The following ADAM33 variants were observed in gnomAD, a reference collection of about 807,000 sequenced individuals.
ADAM33 encodes the protein disintegrin and metalloproteinase domain-containing protein 33.
A neutral mutation model predicts 106.2 loss-of-function variants in ADAM33; 103 were observed. The observed-to-expected ratio is 0.97, with a 90% CI of 0.83 to 1.14. The LOEUF (loss-of-function observed/expected upper bound fraction) is 1.14, where lower values mean the gene tolerates loss of function less well. ADAM33 is among the 50% of genes most tolerant of loss of function. The pLI, the probability that ADAM33 is intolerant of heterozygous loss-of-function variation, is 0.00. For missense variants in ADAM33, 1,120 were observed against 1,096.6 expected (o/e 1.02, Z -0.30); for synonymous variants, 483 against 453.0 (o/e 1.07, Z -0.84).
chr20:3,679,343 C>T, intron 2 of ADAM33, 149 bp downstream of exon 2: 1 of 744,038 alleles, frequency 1.3e-6, no homozygotes, highest in Non-Finnish European at 2.2e-6. Context: ...CTTCTGCCCA[C>T]TTGAGGGGCA....
chr20:3,672,715 CT>C lies in ADAM33; in HGVS notation c.1311+5del. 5.7e-6 allele frequency: 9 copies of C among 1,584,452 alleles called. No individual in the cohort carries two copies. The highest frequency in any genetic ancestry group is 7.7e-6 in the Non-Finnish European group (9 of 1,163,972). On this transcript the variant is annotated splice_donor_5th_base_variant and intron_variant, in intron 12 of 21. Transcript: ENST00000356518. Reference sequence around the variant, plus strand: ...GGCAAGTGGGGGCCGGGCGAGCCGACTTAACCTGGCCAGGGCCGCAGTCACA... The same window carrying C: ...GGCAAGTGGGGGCCGGGCGAGCCGACTAACCTGGCCAGGGCCGCAGTCACA...
At chr20:3,678,889 A>T (rs898769569) in intron 2 of ADAM33, among the ~76,000 whole-genome samples, 5 of 152,182 alleles carry the variant, frequency 3.3e-5, no homozygotes, top group African/African-American at 1.2e-4. Flanking sequence ...TTATTCTGGA[A>T]GCGTGTGAAG....
In ADAM33 at chr20:3,670,029, G is replaced by C. The variant is rs2087427615; in HGVS notation, c.2241-392C>G. 7.5e-6 allele frequency: 3 copies of C among 398,522 alleles called. No individual in the cohort carries two copies. In the Admixed American group the frequency reaches 1.1e-4, roughly 15 times the overall value. 24.7% of individuals were successfully genotyped at this position (398,522 alleles called of 1,614,324 possible). A position where few individuals can be genotyped will look rare whatever the true frequency, so the allele number is the denominator to read the frequency against. ...CCCTTGATGATTCCAAGCCATCTTTGACTGTCCCCATCCCATCCCCCAAGG... is the reference window on the plus strand; with the variant it reads ...CCCTTGATGATTCCAAGCCATCTTTCACTGTCCCCATCCCATCCCCCAAGG... On this transcript the variant is annotated intron_variant, in intron 19 of 21. Coordinates refer to ENST00000356518, the MANE Select transcript of ADAM33 (RefSeq NM_025220.5).
rs775499555 is a variant in ADAM33 at position 3,674,569 on chromosome 20, A to G, written c.535T>C (p.Cys179Arg). 6.2e-7 allele frequency: 1 copy of G among 1,613,602 alleles called. No homozygotes were observed. Among genetic ancestry groups the G allele is most frequent in the Admixed American group, 1.7e-5 (1 of 59,930 alleles). Residue 179 changes from cysteine (C) to arginine (R), a missense_variant, in exon 6 of 22, where the codon TGT (cysteine) becomes CGT (arginine). Coordinates refer to ENST00000356518, the MANE Select transcript of ADAM33 (RefSeq NM_025220.5). The stretch of plus-strand genomic sequence containing the variant: ...TTGTTCCCAGGATCCCTGTGGCCAC[A>G]GGTTCCTTTCCAGGTGAGCAGCTGC... ...MEQLLTWKGT[C>R]GHRDPGNKAG...
Position 3,673,482 on chromosome 20 carries a change from G to A in ADAM33, c.1005C>T (p.Leu335=). The A allele has an allele frequency of 2.6e-6, 4 of 1,533,734 alleles. No homozygotes were observed. The highest frequency in any genetic ancestry group is 3.5e-6 in the Non-Finnish European group (4 of 1,146,946). ...SGGVSTDHSE[L]PIGAAATMAH... ...CCATGGTGGCTGCGGCGCCGATGGG[G>A]AGCTCCGAGTGGTCCTGGGGGGCCG... The change falls in exon 11 of 22, where the codon CTC becomes CTT. Residue 335 remains leucine (L), a synonymous_variant. Transcript: ENST00000356518.
chr20:3,675,140 G>A lies in ADAM33; in HGVS notation c.255-35C>T, dbSNP rs2087858386. On this transcript the variant is annotated intron_variant, in intron 3 of 21. Transcript: ENST00000356518. This position sits in a 1 kb window ranked among gnomAD's most constrained non-coding sequence, Gnocchi z 4.1. The stretch of plus-strand genomic sequence containing the variant: ...GGTGTTACAGGGAACACTGAATTCA[G>A]CTTCCTCCTGCCTCCTCCAGGATGT... 1 of 1,526,098 alleles carries A rather than the reference G, an allele frequency of 6.6e-7. No individual in the cohort carries two copies. Among genetic ancestry groups the A allele is most frequent in the Non-Finnish European group, 9.0e-7 (1 of 1,106,554 alleles). 94.5% of individuals were successfully genotyped at this position (1,526,098 alleles called of 1,614,324 possible).
In ADAM33 at chr20:3,675,924, A is replaced by C. The variant is rs373395381; in HGVS notation, c.255-819T>G. Among the ~76,000 whole-genome samples the C allele has an allele frequency of 8.1e-4, 92 of 113,250 alleles. No homozygotes were observed. The East Asian group carries it at 0.011, about 13-fold the overall frequency. The allele number at this position is 113,250 out of a possible 152,430, so 74.3% of individuals were successfully genotyped here. On this transcript the variant is annotated intron_variant, in intron 3 of 21. Coordinates refer to ENST00000356518, the MANE Select transcript of ADAM33 (RefSeq NM_025220.5). The surrounding 1 kb of genome is among the most constrained non-coding windows in gnomAD (Gnocchi z 4.1). Reference sequence around the variant, plus strand: ...CAGCTCTGCCCCCTACCCCTGCCCCACACACACCCGCCACCCTAGGAGGTA... The same window carrying C: ...CAGCTCTGCCCCCTACCCCTGCCCCCCACACACCCGCCACCCTAGGAGGTA...
At position 3,673,196 on chromosome 20, in the gene ADAM33, T is replaced by G. The variant is rs1410003473; in HGVS notation, c.1133+158A>C. The stretch of plus-strand genomic sequence containing the variant: ...CGTTGAGAATCCACTTTGCCTGAGC[T>G]TCTTCCCTTTAAGCCTCATAAACCA... On this transcript the variant is annotated intron_variant, in intron 11 of 21. Coordinates refer to ENST00000356518, the MANE Select transcript of ADAM33 (RefSeq NM_025220.5). 20 of 1,526,510 alleles carry G rather than the reference T, an allele frequency of 1.3e-5. No individual in the cohort carries two copies. In the East Asian group the frequency reaches 3.2e-4, roughly 24 times the overall value. 94.6% of individuals were successfully genotyped at this position (1,526,510 alleles called of 1,614,324 possible).
intron 1 of ADAM33, among the ~76,000 whole-genome samples, chr20:3,679,798 G>A (rs192883601): frequency 3.9e-4 from 59 of 152,266 alleles, no homozygotes; most frequent in African/African-American, 1.4e-3. Flanking sequence ...GGCTGGAAAG[G>A]GACAGCTCAG....
intron 2 of ADAM33, among the ~76,000 whole-genome samples, 174 bp downstream of exon 2, chr20:3,679,318 A>G (rs924553801): frequency 4.6e-5 from 7 of 151,908 alleles, no homozygotes; most frequent in Non-Finnish European, 1.0e-4. Context: ...CCAGATGTCC[A>G]AACCCCAGTG....
intron 19 of ADAM33, 39 bp downstream of exon 19, chr20:3,670,967 C>A: frequency 1.3e-6 from 2 of 1,517,082 alleles, no homozygotes; most frequent in Non-Finnish European, 1.8e-6. Context: ...GGAGGGGAAC[C>A]GCAGGAGTAG....
In ADAM33 at chr20:3,671,577, T is replaced by C; in HGVS notation, c.1905+4A>G. On this transcript the variant is annotated splice_donor_region_variant and intron_variant, in intron 16 of 21. Coordinates refer to ENST00000356518, the MANE Select transcript of ADAM33 (RefSeq NM_025220.5). ...CAAGGAGGGGTCGGGTGGGCAGAGC[T>C]CACCATTCTAGGTCCACACTGGGTG... 6.3e-7 allele frequency: 1 copy of C among 1,599,962 alleles called. No individual in the cohort carries two copies. Among genetic ancestry groups the C allele is most frequent in the Non-Finnish European group, 8.5e-7 (1 of 1,173,276 alleles).
In ADAM33 at chr20:3,674,812, G is replaced by C; in HGVS notation, c.371C>G (p.Pro124Arg). The change falls in exon 5 of 22, where the codon CCC becomes CGC. Residue 124 changes from proline to arginine, a missense_variant. Pro to Arg is a moderately radical substitution (Grantham distance 103). Coordinates refer to ENST00000356518, the MANE Select transcript of ADAM33 (RefSeq NM_025220.5). ...CHYQGRVRGF[P>R]DSWVVLCTCS... ...GGTGCAGAGGACTACCCAGGAGTCG[G>C]GGAAGCCCCTTACTCGCCCTTGGTA... The C allele has an allele frequency of 6.2e-7, 1 of 1,611,478 alleles. No homozygotes were observed. The highest frequency in any genetic ancestry group is 1.1e-5 in the South Asian group (1 of 90,670).
Position 3,671,592 on chromosome 20 carries a change from C to T in ADAM33, c.1894G>A (p.Gly632Arg). The change falls in exon 16 of 22, where the codon GGA becomes AGA. Residue 632 changes from glycine (G) to arginine (R), a missense_variant. Gly to Arg is a moderately radical substitution (Grantham distance 125). Transcript: ENST00000356518. ...LGLVEPGTQC[G>R]PRMVCQSRRC... ...TGGGCAGAGCTCACCATTCTAGGTCCACACTGGGTGCCTGGCTCTACCAGG... is the reference window on the plus strand; with the variant it reads ...TGGGCAGAGCTCACCATTCTAGGTCTACACTGGGTGCCTGGCTCTACCAGG... The T allele has an allele frequency of 6.3e-7, 1 of 1,592,646 alleles. No homozygotes were observed. The highest frequency in any genetic ancestry group is 1.1e-5 in the South Asian group (1 of 88,994).
At position 3,671,992 on chromosome 20, in the gene ADAM33, A is replaced by T; in HGVS notation, c.1598-7T>A. 6.4e-7 allele frequency: 1 copy of T among 1,554,478 alleles called. No homozygotes were observed. The highest frequency in any genetic ancestry group is 8.7e-7 in the Non-Finnish European group (1 of 1,149,008). ...TCGGGAGCTGGGTGGGAGCCTGAGG[A>T]AGCATGGGCCAGGCTGGGGGCAGCT... On this transcript the variant is annotated splice_region_variant and splice_polypyrimidine_tract_variant and intron_variant, in intron 14 of 21. Transcript: ENST00000356518.
intron 2 of ADAM33, among the ~76,000 whole-genome samples, 169 bp downstream of exon 2, chr20:3,679,323 C>G (rs140327974): frequency 8.6e-5 from 13 of 151,762 alleles, no homozygotes; most frequent in Non-Finnish European, 1.6e-4. Context: ...TGTCCAAACC[C>G]CAGTGCCTTC....
At position 3,668,953 on chromosome 20, in the gene ADAM33, GA is replaced by G; in HGVS notation, c.*9del. On this transcript the variant is annotated 3_prime_UTR_variant, in exon 22 of 22. Transcript: ENST00000356518. ...CTGTCTTTAAATCTGTTCATTTTAG[GA>G]GCTACCTCTCACCAGAGGCAGGATC... The G allele has an allele frequency of 2.5e-6, 4 of 1,613,728 alleles. No individual in the cohort carries two copies. Among genetic ancestry groups the G allele is most frequent in the Non-Finnish European group, 3.4e-6 (4 of 1,179,812 alleles).
chr20:3,670,899 C>A (rs2087489228), intron 19 of ADAM33, 107 bp downstream of exon 19: 1 of 1,413,626 alleles, frequency 7.1e-7, no homozygotes, highest in Non-Finnish European at 9.3e-7. Context: ...CTGCTCTCTG[C>A]ACCTGGGGGC....
At chr20:3,676,542 G>A (rs766095276) in intron 3 of ADAM33, among the ~76,000 whole-genome samples, 4 of 151,498 alleles carry the variant, frequency 2.6e-5, no homozygotes, top group Non-Finnish European at 4.4e-5. Flanking sequence ...GGGTTCAAGC[G>A]ATTCTCCCGT....
Sources: allele counts gnomAD v4.1 joint callset (sites outside exome capture counted in the v4.1 genomes callset), GRCh38; gene constraint gnomAD v4.1.1; non-coding constraint Gnocchi (gnomAD v3.1); transcripts MANE v1.5; gene names NCBI Gene and HGNC (gene_info 2026-07-23, HGNC 2026-07-21).